Variants in SFI1 observed in about 807,000 individuals in gnomAD.
The protein encoded by SFI1 is protein SFI1 homolog.
A neutral mutation model predicts 207.5 loss-of-function variants in SFI1; 195 were observed. The ratio of observed to expected loss-of-function variants is 0.94; its 90% confidence interval spans 0.84 to 1.06. The LOEUF (loss-of-function observed/expected upper bound fraction) is 1.06. Ranked by LOEUF, SFI1 falls within the 50% of genes least tolerant of loss-of-function variation. SFI1 has a pLI of 0.00. For synonymous variants in SFI1, 630 were observed against 598.9 expected, an observed-to-expected ratio of 1.05 and a Z score of -0.76; for missense variants, 1,634 against 1,588.0, an observed-to-expected ratio of 1.03 and a Z score of -0.49.
chr22:31,540,795 C>T (rs1036686610), intron 4 of SFI1, among the ~76,000 whole-genome samples: 6 of 150,870 alleles, frequency 4.0e-5, no homozygotes, highest in South Asian at 2.1e-4. Context: ...TTGGCCAGGC[C>T]GGTCTCGGAC....
intron 17 of SFI1, among the ~76,000 whole-genome samples, chr22:31,603,116 CAGTTACTCAGGAG>C: frequency 2.0e-5 from 3 of 152,180 alleles, no homozygotes; most frequent in Non-Finnish European, 4.4e-5. Context: ...CATGTAATCC[CAGTTACTCAGGAG>C]AGTGAAGCAC....
intron 17 of SFI1, 33 bp from the exon 18 acceptor site, chr22:31,603,711 G>T (rs1185114941): frequency 6.7e-7 from 1 of 1,491,722 alleles, no homozygotes; most frequent in Non-Finnish European, 8.9e-7. Flanking sequence ...CTGGGTGGGG[G>T]CTGCAGCACT....
chr22:31,616,589 GCTGGCACGGCCAGTGCCTGGGAAGC>G, intron 29 of SFI1, 131 bp from the exon 30 acceptor site: 1 of 746,076 alleles, frequency 1.3e-6, no homozygotes. Context: ...TAGACACTGA[GCTGGCACGGCCAGTGCCTGGGAAGC>G]CCAGCTCCTG....
intron 10 of SFI1, 77 bp downstream of exon 10, chr22:31,575,469 C>A: frequency 1.5e-6 from 2 of 1,377,646 alleles, no homozygotes; most frequent in South Asian, 1.7e-5. Context: ...AAACGAAAGT[C>A]ATGAGATACA....
intron 8 of SFI1, among the ~76,000 whole-genome samples, chr22:31,563,941 A>G (rs2061988722): frequency 6.6e-6 from 1 of 152,162 alleles, no homozygotes; most frequent in South Asian, 2.1e-4. Flanking sequence ...AGACATCATG[A>G]AATATGTAAA....
At chr22:31,577,522 C>A (rs781623745) in intron 10 of SFI1, among the ~76,000 whole-genome samples, 1 of 152,180 alleles carries the variant, frequency 6.6e-6, no homozygotes, top group Non-Finnish European at 1.5e-5. Flanking sequence ...ATCCTCCCCC[C>A]TCAGCCTACG....
chr22:31,587,518 AC>A (rs771605489), intron 14 of SFI1: 37 of 170,934 alleles, frequency 2.2e-4, no homozygotes, highest in Admixed American at 8.8e-4. Context: ...CCACCATGTT[AC>A]CCAGGCTGGT....
At chr22:31,607,070 AAAAG>A (rs1214411193) in intron 21 of SFI1, among the ~76,000 whole-genome samples, 5 of 150,976 alleles carry the variant, frequency 3.3e-5, no homozygotes, top group Non-Finnish European at 7.4e-5. Flanking sequence ...CAAAAAAAAG[AAAAG>A]AAAAGAAAAA....
chr22:31,543,676 G>A (rs569246213), intron 4 of SFI1, among the ~76,000 whole-genome samples: 7 of 152,130 alleles, frequency 4.6e-5, no homozygotes, highest in African/African-American at 1.4e-4. Context: ...TGGGCATGGT[G>A]GCACACGCCT....
At chr22:31,498,268 C>T (rs1243294617) in intron 1 of SFI1, among the ~76,000 whole-genome samples, 1 of 123,740 alleles carries the variant, frequency 8.1e-6, no homozygotes, top group African/African-American at 3.0e-5. Flanking sequence ...GCACTCCAGC[C>T]TGGGCGACAG....
intron 15 of SFI1, among the ~76,000 whole-genome samples, chr22:31,591,561 T>C: frequency 7.2e-6 from 1 of 139,576 alleles, no homozygotes; most frequent in African/African-American, 2.8e-5. Flanking sequence ...GAGGCGCCCC[T>C]CACCTCCCGG....
At position 31,550,278 on chromosome 22, in the gene SFI1, C is replaced by A. The variant is rs781246552; in HGVS notation, c.474C>A (p.Phe158Leu). Residue 158 changes from phenylalanine (F) to leucine (L), a missense_variant, in exon 6 of 33, where the codon TTC (phenylalanine) becomes TTA (leucine). Physicochemically the swap from Phe to Leu is conservative, Grantham distance 22. Transcript: ENST00000400288. ...GGTATTACCTGTACAACCTGATGTT[C>A]CAGACGTGGAAGACCTATGTGCGTC... Reference protein sequence around the residue: ...HYRYYLYNLMFQTWKTYVRQQ... With the variant: ...HYRYYLYNLMLQTWKTYVRQQ... 7 of 1,614,000 alleles carry A rather than the reference C, an allele frequency of 4.3e-6. No individual in the cohort carries two copies. The South Asian group carries it at 6.6e-5, about 15-fold the overall frequency.
chr22:31,527,995 T>A (rs2058096658), intron 2 of SFI1, among the ~76,000 whole-genome samples: 1 of 151,982 alleles, frequency 6.6e-6, no homozygotes, highest in African/African-American at 2.4e-5. Context: ...GTGCCTGTAG[T>A]CCCAGCTACT....
intron 21 of SFI1, 132 bp from the exon 22 acceptor site, chr22:31,607,804 TC>T: frequency 1.4e-6 from 1 of 692,430 alleles, no homozygotes. Context: ...GGCAGTTACT[TC>T]CTGGACCGTG....
At chr22:31,587,250 T>A (rs1034794277) in intron 14 of SFI1, 1 of 278,210 alleles carries the variant, frequency 3.6e-6, no homozygotes, top group Non-Finnish European at 8.2e-6. Flanking sequence ...TTATGAGTAA[T>A]CTAGAGATGC....
chr22:31,498,557 A>G (rs369153391), intron 1 of SFI1, among the ~76,000 whole-genome samples: 3 of 151,738 alleles, frequency 2.0e-5, no homozygotes, highest in East Asian at 3.9e-4. Flanking sequence ...AGGCTGAGGC[A>G]TGAGAATTGC....
intron 8 of SFI1, among the ~76,000 whole-genome samples, chr22:31,570,513 A>G (rs1334383229): frequency 3.3e-5 from 5 of 152,172 alleles, no homozygotes; most frequent in Non-Finnish European, 5.9e-5. Flanking sequence ...GCAGTGGGAT[A>G]TTGGGATATA....
intron 15 of SFI1, among the ~76,000 whole-genome samples, chr22:31,599,285 T>C (rs1241303466): frequency 1.3e-5 from 2 of 151,896 alleles, no homozygotes; most frequent in Non-Finnish European, 2.9e-5. Flanking sequence ...AGGTTTATTT[T>C]TTTCTGTGTT....
intron 4 of SFI1, among the ~76,000 whole-genome samples, chr22:31,545,014 G>A (rs911078525): frequency 1.3e-5 from 2 of 151,990 alleles, no homozygotes; most frequent in African/African-American, 4.8e-5. Flanking sequence ...ATCCTCCCAC[G>A]TAAGCCTCTG....
Sources: gnomAD v4.1 joint callset for allele counts (sites outside exome capture counted in the v4.1 genomes callset) on GRCh38, gnomAD v4.1.1 for gene constraint, MANE v1.5 for transcripts, NCBI Gene and HGNC (gene_info 2026-07-23, HGNC 2026-07-21) for gene names.